MYO1E: variants seen among roughly 807,000 people sequenced by gnomAD.
MYO1E encodes unconventional myosin-Ie.
Under a neutral mutation model 151.1 loss-of-function variants are expected in MYO1E, and 68 were observed. That is an observed-to-expected ratio of 0.45 (90% CI 0.37 to 0.55). The LOEUF is 0.55. Ranked by LOEUF, MYO1E falls within the 20% of genes least tolerant of loss-of-function variation. The probability of loss-of-function intolerance (pLI) is 0.00; values close to 1 mark genes in which losing one functional copy is unlikely to be tolerated. For missense variants in MYO1E, 1,363 were observed against 1,389.3 expected (o/e 0.98, Z 0.30); for synonymous variants, 601 against 501.7 (o/e 1.20, Z -2.64).
chr15:59,260,152 C>A (rs1364316267), intron 3 of MYO1E, among the ~76,000 whole-genome samples: 1 of 152,184 alleles, frequency 6.6e-6, no homozygotes, highest in East Asian at 1.9e-4. Flanking sequence ...TATACAGCAA[C>A]CCTTTTCAGA....
intron 19 of MYO1E, among the ~76,000 whole-genome samples, chr15:59,175,135 T>G (rs1260884602): frequency 2.6e-5 from 4 of 152,170 alleles, no homozygotes; most frequent in Non-Finnish European, 5.9e-5. Context: ...GAACTAAGAC[T>G]GGGTGGGGCT....
intron 1 of MYO1E, among the ~76,000 whole-genome samples, chr15:59,352,442 A>G (rs1567022482): frequency 6.6e-6 from 1 of 152,102 alleles, no homozygotes; most frequent in East Asian, 1.9e-4. Context: ...TGCATTTCTA[A>G]TAATATCCCA....
intron 16 of MYO1E, among the ~76,000 whole-genome samples, chr15:59,198,592 G>T (rs1439679955): frequency 6.6e-6 from 1 of 152,122 alleles, no homozygotes; most frequent in African/African-American, 2.4e-5. Context: ...GAGGCAGGCG[G>T]ATCAATTGAA....
chr15:59,251,100 C>A (rs2080162150), intron 4 of MYO1E, among the ~76,000 whole-genome samples: 1 of 152,178 alleles, frequency 6.6e-6, no homozygotes, highest in Non-Finnish European at 1.5e-5. Flanking sequence ...TCATTAAATT[C>A]CAGCTAGGAA....
chr15:59,283,353 G>T (rs1213139665), intron 1 of MYO1E, among the ~76,000 whole-genome samples: 5 of 151,954 alleles, frequency 3.3e-5, no homozygotes, highest in Non-Finnish European at 7.4e-5. Context: ...CCCAGCTTAG[G>T]GTATTCTTCT....
chr15:59,369,607 A>T (rs922914513), intron 1 of MYO1E, among the ~76,000 whole-genome samples: 3 of 152,158 alleles, frequency 2.0e-5, no homozygotes, highest in Admixed American at 1.3e-4. Flanking sequence ...AATTATAAAG[A>T]TGTGCAGGGT....
intron 21 of MYO1E, 102 bp from the exon 22 acceptor site, chr15:59,172,144 G>A (rs2079599226): frequency 7.4e-7 from 1 of 1,359,176 alleles, no homozygotes; most frequent in Non-Finnish European, 1.0e-6. Flanking sequence ...ATCACCTGAG[G>A]TCAGGAGTTC....
intron 1 of MYO1E, among the ~76,000 whole-genome samples, chr15:59,366,916 GAAA>G (rs1234083660): frequency 1.3e-5 from 1 of 78,978 alleles, no homozygotes. Context: ...GTGAGAAAAA[GAAA>G]AAAAAAGTTT....
intron 1 of MYO1E, among the ~76,000 whole-genome samples, chr15:59,309,732 T>G (rs996035535): frequency 1.2e-4 from 19 of 152,346 alleles, no homozygotes; most frequent in African/African-American, 4.6e-4. Context: ...TTCACATGCA[T>G]TTCTAAGGTT....
At chr15:59,278,105 T>G (rs568067282) in intron 1 of MYO1E, among the ~76,000 whole-genome samples, 1 of 152,320 alleles carries the variant, frequency 6.6e-6, no homozygotes, top group African/African-American at 2.4e-5. Context: ...GCCAGGACTG[T>G]CCTAAGACTG....
intron 2 of MYO1E, among the ~76,000 whole-genome samples, chr15:59,268,151 A>G (rs1190796499): frequency 3.3e-5 from 5 of 152,224 alleles, no homozygotes; most frequent in Admixed American, 6.5e-5. Context: ...ATGCCATTCT[A>G]TTATAATATT....
intron 26 of MYO1E, among the ~76,000 whole-genome samples, chr15:59,149,229 T>C (rs1227911740): frequency 2.0e-5 from 3 of 152,006 alleles, no homozygotes; most frequent in African/African-American, 7.3e-5. Context: ...GCTAATTGTT[T>C]GTGTTTTTAG....
intron 1 of MYO1E, among the ~76,000 whole-genome samples, chr15:59,359,230 A>G (rs2080871518): frequency 6.6e-6 from 1 of 151,258 alleles, no homozygotes; most frequent in African/African-American, 2.4e-5. Context: ...GTTCTAGACT[A>G]GCCTGAGCAA....
intron 1 of MYO1E, among the ~76,000 whole-genome samples, chr15:59,355,419 G>A (rs1415494023): frequency 3.9e-5 from 6 of 152,020 alleles, no homozygotes; most frequent in African/African-American, 7.2e-5. Flanking sequence ...TGCCACTCAC[G>A]TGGGAGGCTA....
At chr15:59,183,611 A>G (rs1487062992) in intron 18 of MYO1E, among the ~76,000 whole-genome samples, 2 of 152,180 alleles carry the variant, frequency 1.3e-5, no homozygotes, top group African/African-American at 4.8e-5. Flanking sequence ...ACAGGCATGC[A>G]ATGTGGAATA....
intron 4 of MYO1E, among the ~76,000 whole-genome samples, chr15:59,250,626 G>C (rs931976302): frequency 6.6e-6 from 1 of 152,000 alleles, no homozygotes; most frequent in East Asian, 1.9e-4. Context: ...TGAACCTGGC[G>C]GGGGCGGGGG....
rs59491381 is a variant in MYO1E at position 59,319,550 on chromosome 15, C to CTTTTT, written c.4-47106_4-47102dup. On this transcript the variant is annotated intron_variant, in intron 1 of 27. Transcript: ENST00000288235. ...AAGATAGGAAAAGAAGTCAAACTAC[C>CTTTTT]TTTTTTTTTTTTTTTTTTTTTTTTT... Among the ~76,000 whole-genome samples, 288 of 63,664 alleles carry CTTTTT rather than the reference C, an allele frequency of 4.5e-3. 40 individuals carry two copies. The highest frequency in any genetic ancestry group is 8.0e-3 in the Non-Finnish European group (221 of 27,722). 41.8% of individuals were successfully genotyped at this position (63,664 alleles called of 152,430 possible). A position where few individuals can be genotyped will look rare whatever the true frequency, so the allele number is the denominator to read the frequency against.
intron 16 of MYO1E, among the ~76,000 whole-genome samples, chr15:59,197,399 G>A (rs1232891133): frequency 6.6e-6 from 1 of 152,188 alleles, no homozygotes; most frequent in South Asian, 2.1e-4. Flanking sequence ...AGAGGCAAGT[G>A]TAACTTAAGT....
chr15:59,316,229 C>T (rs1177638237), intron 1 of MYO1E, among the ~76,000 whole-genome samples: 3 of 152,236 alleles, frequency 2.0e-5, no homozygotes, highest in Non-Finnish European at 4.4e-5. Flanking sequence ...GTCACAAGGG[C>T]TGTGGCTTTC....
Sources: allele counts gnomAD v4.1 joint callset (sites outside exome capture counted in the v4.1 genomes callset), GRCh38; gene constraint gnomAD v4.1.1; transcripts MANE v1.5; gene names NCBI Gene and HGNC (gene_info 2026-07-23, HGNC 2026-07-21).